Variants in CADM3 observed in about 807,000 individuals in gnomAD.
CADM3 encodes the protein TSLC1-like 1.
Under a neutral mutation model 44.9 loss-of-function variants are expected in CADM3, and 11 were observed. The observed-to-expected ratio is 0.25, with a 90% CI of 0.15 to 0.41. The LOEUF is 0.41. Among genes scored for constraint, CADM3 ranks in the 10% least tolerant of loss-of-function variants. The pLI, the probability that CADM3 is intolerant of heterozygous loss-of-function variation, is 1.00. For synonymous variants in CADM3, 207 were observed against 205.2 expected (o/e 1.01, Z -0.08); for missense variants, 426 against 512.0 (o/e 0.83, Z 1.62).
rs1198767978 is a variant in CADM3, at chr1:159,196,406, G to A, written c.734G>A (p.Arg245His). The A allele has an allele frequency of 3.7e-6, 6 of 1,614,096 alleles. No individual in the cohort carries two copies. Among genetic ancestry groups the A allele is most frequent in the African/African-American group, 1.3e-5 (1 of 75,010 alleles). Residue 245 changes from arginine (R) to histidine (H), a missense_variant, in exon 6 of 9, where the codon CGT becomes CAT. Arg to His is a conservative substitution (Grantham distance 29). This residue lies in a region of CADM3 where 362 missense variants were observed against 474.6 expected (regional missense o/e 0.76). Coordinates refer to ENST00000368125, the MANE Select transcript of CADM3 (RefSeq NM_001127173.3). ...AMIRPDPPHPREGQKLLLHCE... is the reference protein window; with the variant it reads ...AMIRPDPPHPHEGQKLLLHCE... ...ATTAGGCCAGACCCTCCCCATCCTC[G>A]TGAGGGCCAGAAGCTGTTGCTACAC... is the stretch of plus-strand genomic sequence containing the variant.
chr1:159,190,170 C>T (rs1356718731), intron 1 of CADM3, among the ~76,000 whole-genome samples: 2 of 152,112 alleles, frequency 1.3e-5, no homozygotes, highest in Admixed American at 1.3e-4. Flanking sequence ...AAGACACAAT[C>T]AGGTAGAATT....
Position 159,176,682 on chromosome 1 carries a change from A to G in CADM3, c.88+4829A>G, listed in dbSNP as rs3026962. Among the ~76,000 whole-genome samples, 35 of 152,346 alleles carry G rather than the reference A, an allele frequency of 2.3e-4. No individual in the cohort carries two copies. In the South Asian group the frequency reaches 6.8e-3, roughly 30 times the overall value. On this transcript the variant is annotated intron_variant, in intron 1 of 8. Coordinates refer to ENST00000368125, the MANE Select transcript of CADM3 (RefSeq NM_001127173.3). ...CAGTCCAATTCTGTTATATATGACA[A>G]GAAGATCCATCCCTTCTAGTACAGA...
chr1:159,198,091 C>T (rs1649984143), intron 7 of CADM3: 1 of 152,256 alleles, frequency 6.6e-6, no homozygotes, highest in South Asian at 2.1e-4. Context: ...TCTTGCTGAT[C>T]TCCCCTCTGC....
chr1:159,200,266 T>G (rs143032206), intron 8 of CADM3, among the ~76,000 whole-genome samples: 1 of 152,292 alleles, frequency 6.6e-6, no homozygotes, highest in African/African-American at 2.4e-5. Flanking sequence ...TCCTTTGATC[T>G]CATTGCCTTT....
intron 1 of CADM3, chr1:159,190,002 C>A (rs1049414516): frequency 6.0e-6 from 4 of 664,368 alleles, no homozygotes; most frequent in Non-Finnish European, 1.1e-5. Flanking sequence ...TTCTCCTTTC[C>A]ATCTGACATT....
chr1:159,196,822 ATTTTTT>A, intron 6 of CADM3, 63 bp from the exon 7 acceptor site: 1 of 1,138,480 alleles, frequency 8.8e-7, no homozygotes, highest in Non-Finnish European at 1.2e-6. Context: ...GCTCCCAGTT[ATTTTTT>A]TTTTTCTTTT....
At chr1:159,185,244 C>A (rs1403400611) in intron 1 of CADM3, among the ~76,000 whole-genome samples, 3 of 152,178 alleles carry the variant, frequency 2.0e-5, no homozygotes, top group African/African-American at 7.2e-5. Flanking sequence ...TGGGTACAAA[C>A]CACAGGACCG....
rs560086149 is a variant in CADM3, at chr1:159,172,692, C to T, written c.88+839C>T. ...ATTTGGGATGGGGTAGCATACCTAG[C>T]CCCTTTGCCCCAGTCTGGAACTCAA... On this transcript the variant is annotated intron_variant, in intron 1 of 8. Coordinates refer to ENST00000368125, the MANE Select transcript of CADM3 (RefSeq NM_001127173.3). Among the ~76,000 whole-genome samples, 5 of 152,270 alleles carry T rather than the reference C, an allele frequency of 3.3e-5. No individual in the cohort carries two copies. The East Asian group carries it at 9.7e-4, about 29-fold the overall frequency.
At chr1:159,190,229 G>A (rs1443479652) in intron 1 of CADM3, among the ~76,000 whole-genome samples, 5 of 152,138 alleles carry the variant, frequency 3.3e-5, no homozygotes, top group East Asian at 3.9e-4. Context: ...AAATTGGCAC[G>A]TGGCTATGGT....
chr1:159,171,838 A>C lies in CADM3; in HGVS notation c.73A>C (p.Asn25His), dbSNP rs894438762. ...CTGCTGCTGGGCGCCCGGCGGGGCCAACCTCTCCCAGGACGGTGAGTGAGG... is the reference window on the plus strand; with the variant it reads ...CTGCTGCTGGGCGCCCGGCGGGGCCCACCTCTCCCAGGACGGTGAGTGAGG... The part of the protein sequence containing the change: ...FACCWAPGGA[N>H]LSQDDSQPWT... Residue 25 changes from asparagine to histidine, a missense_variant, in exon 1 of 9, where the codon AAC becomes CAC. Around this residue, in one of 2 missense-constraint regions of CADM3, gnomAD observed 64 missense variants for 37.4 expected, o/e 1.71. Transcript: ENST00000368125. The C allele has an allele frequency of 4.8e-6, 6 of 1,244,722 alleles. No homozygotes were observed. Among genetic ancestry groups the C allele is most frequent in the African/African-American group, 1.5e-5 (1 of 64,770 alleles). 77.1% of individuals were successfully genotyped at this position (1,244,722 alleles called of 1,614,324 possible).
rs974617340 is a variant in CADM3, at chr1:159,187,587, G to A, written c.89-4349G>A. On this transcript the variant is annotated intron_variant, in intron 1 of 8. Coordinates refer to ENST00000368125, the MANE Select transcript of CADM3 (RefSeq NM_001127173.3). ...TGCAAACTGAAAGTCCTATACTATG[G>A]TATGAGACGGCTATTTCCTCCACTC... is the stretch of plus-strand genomic sequence containing the variant. 5.9e-5 allele frequency among the ~76,000 whole-genome samples: 9 copies of A among 152,286 alleles called. 1 individual carries two copies. Among genetic ancestry groups the A allele is most frequent in the Admixed American group, 5.9e-4 (9 of 15,302 alleles).
At chr1:159,178,368 T>C (rs1285978060) in intron 1 of CADM3, 2 of 152,196 alleles carry the variant, frequency 1.3e-5, no homozygotes, top group Non-Finnish European at 2.9e-5. Context: ...TGGTGCTTTT[T>C]TACCCTTTTC....
At chr1:159,182,933 G>C (rs1199006616) in intron 1 of CADM3, among the ~76,000 whole-genome samples, 1 of 152,164 alleles carries the variant, frequency 6.6e-6, no homozygotes, top group Non-Finnish European at 1.5e-5. Context: ...TTAACTCTAA[G>C]ATAAGCTTTT....
intron 1 of CADM3, among the ~76,000 whole-genome samples, chr1:159,182,076 A>ACG: frequency 6.8e-6 from 1 of 146,662 alleles, no homozygotes; most frequent in South Asian, 2.1e-4. Context: ...ACACACACAC[A>ACG]CACACACACA....
At chr1:159,175,147 A>G (rs1473306495) in intron 1 of CADM3, among the ~76,000 whole-genome samples, 2 of 152,052 alleles carry the variant, frequency 1.3e-5, no homozygotes, top group East Asian at 1.9e-4. Flanking sequence ...TGGCAGATCA[A>G]CTCCATCCAG....
chr1:159,183,163 T>C (rs1286400108), intron 1 of CADM3, among the ~76,000 whole-genome samples: 2 of 152,176 alleles, frequency 1.3e-5, no homozygotes, highest in East Asian at 3.8e-4. Flanking sequence ...TCCTTCCAAA[T>C]CTAAATCTCT....
intron 7 of CADM3, among the ~76,000 whole-genome samples, chr1:159,198,687 G>A (rs755281022): frequency 6.6e-6 from 1 of 152,066 alleles, no homozygotes. Flanking sequence ...CCCATGGGTG[G>A]GAGAGTTATG....
At chr1:159,173,036 T>C (rs1366261432) in intron 1 of CADM3, among the ~76,000 whole-genome samples, 2 of 150,728 alleles carry the variant, frequency 1.3e-5, no homozygotes, top group Non-Finnish European at 3.0e-5. Context: ...GGAGGAGGGC[T>C]GGGATGGAGG....
intron 1 of CADM3, among the ~76,000 whole-genome samples, chr1:159,183,291 C>T (rs1649299382): frequency 2.0e-5 from 3 of 152,204 alleles, no homozygotes; most frequent in Admixed American, 1.3e-4. Context: ...AGATTCTGTT[C>T]TCCATTCCTA....
Sources: allele counts gnomAD v4.1 joint callset (sites outside exome capture counted in the v4.1 genomes callset), GRCh38; gene constraint gnomAD v4.1.1; regional missense constraint gnomAD v4.1.1; transcripts MANE v1.5; gene names NCBI Gene and HGNC (gene_info 2026-07-23, HGNC 2026-07-21).